The following PRKG2 variants were observed in gnomAD, a reference collection of about 807,000 sequenced individuals.
PRKG2 encodes the protein cGMP-dependent protein kinase 2.
In PRKG2, 33 loss-of-function variants were observed where a neutral mutation model predicts 97.2. The ratio of observed to expected loss-of-function variants is 0.34; its 90% CI spans 0.26 to 0.45. The LOEUF (loss-of-function observed/expected upper bound fraction) is 0.45. Among genes scored for constraint, PRKG2 ranks in the 20% least tolerant of loss-of-function variants. The pLI, the probability that PRKG2 is intolerant of heterozygous loss-of-function variation, is 1.00. For missense variants in PRKG2, 638 were observed against 900.0 expected (o/e 0.71, Z 3.73); for synonymous variants, 330 against 321.8 (o/e 1.03, Z -0.27).
At chr4:81,098,592 C>T (rs963343812) in intron 17 of PRKG2, among the ~76,000 whole-genome samples, 22 of 151,996 alleles carry the variant, frequency 1.4e-4, no homozygotes, top group Non-Finnish European at 2.8e-4. Context: ...ACTTAGAGGC[C>T]ATTGTAGGGT....
chr4:81,153,435 A>C (rs1429918417), intron 7 of PRKG2: 1 of 472,624 alleles, frequency 2.1e-6, no homozygotes, highest in African/African-American at 2.0e-5. Flanking sequence ...CCTACATAAC[A>C]TCACTAAGAA....
intron 2 of PRKG2, among the ~76,000 whole-genome samples, chr4:81,189,849 A>G (rs941678251): frequency 1.3e-5 from 2 of 152,196 alleles, no homozygotes; most frequent in African/African-American, 4.8e-5. Flanking sequence ...AGAATAAAAT[A>G]CCAAGGAATA....
At chr4:81,104,481 T>C in intron 16 of PRKG2, 49 bp from the exon 17 acceptor site, 1 of 881,756 alleles carries the variant, frequency 1.1e-6, no homozygotes, top group Non-Finnish European at 1.5e-6. Flanking sequence ...ATATTTATAA[T>C]AATTATAATT....
At chr4:81,102,377 A>C (rs939214731) in intron 17 of PRKG2, among the ~76,000 whole-genome samples, 3 of 152,208 alleles carry the variant, frequency 2.0e-5, no homozygotes, top group African/African-American at 7.2e-5. Flanking sequence ...AACCTTCCAT[A>C]ATGAGAGAAA....
At position 81,119,714 on chromosome 4, in the gene PRKG2, G is replaced by A. The variant is rs548107201; in HGVS notation, c.1777-9103C>T. Among the ~76,000 whole-genome samples, 215 of 150,154 alleles carry A rather than the reference G, an allele frequency of 1.4e-3. 2 individuals carry two copies. The highest frequency in any genetic ancestry group is 7.1e-4 in the Non-Finnish European group (48 of 67,708). On this transcript the variant is annotated intron_variant, in intron 14 of 18. Transcript: ENST00000264399. ...TTTTTAGGCGGAGTCTTGCTCTGTT[G>A]CCCAGGCTGGAGTGCAGTGGTGAGA...
Position 81,151,999 on chromosome 4 carries a change from AGT to A in PRKG2, c.1044_1045del (p.Leu349AlafsTer14). On this transcript the variant is annotated frameshift_variant, in exon 8 of 19. Transcript: ENST00000264399. LOFTEE classifies it high-confidence loss of function. ...TTCTCCAAAGTATTCTCCTTTCTGC[AGT>A]GTTTTTATCAGCTGTGGTTGATCAT... 1 of 1,613,310 alleles carries A rather than the reference AGT, an allele frequency of 6.2e-7. No individual in the cohort carries two copies.
intron 2 of PRKG2, among the ~76,000 whole-genome samples, chr4:81,178,906 T>A (rs1347937628): frequency 6.6e-6 from 1 of 151,852 alleles, no homozygotes; most frequent in African/African-American, 2.4e-5. Flanking sequence ...GTGGGCAGAT[T>A]ACAAAGTCAA....
At chr4:81,181,075 A>G (rs1309045155) in intron 2 of PRKG2, among the ~76,000 whole-genome samples, 1 of 149,702 alleles carries the variant, frequency 6.7e-6, no homozygotes, top group Non-Finnish European at 1.5e-5. Context: ...ATGAGTGAGA[A>G]CATGCAGATA....
intron 2 of PRKG2, among the ~76,000 whole-genome samples, chr4:81,198,543 G>A (rs1232215144): frequency 6.6e-6 from 1 of 151,906 alleles, no homozygotes; most frequent in Non-Finnish European, 1.5e-5. Context: ...AACCCCAAGG[G>A]AAGCCACTCA....
Position 81,088,332 on chromosome 4 carries a change from T to G in PRKG2, c.*1376A>C, listed in dbSNP as rs1399708680. 1 of 152,114 alleles carries G rather than the reference T, an allele frequency of 6.6e-6. No homozygotes were observed. Among genetic ancestry groups the G allele is most frequent in the East Asian group, 1.9e-4 (1 of 5,196 alleles). The allele number at this position is 152,114 out of a possible 1,614,324, so 9.4% of individuals were successfully genotyped here. A position where few individuals can be genotyped will look rare whatever the true frequency, so the allele number is the denominator to read the frequency against. ...TAGAGGTTCCTTTTGACATAGAACA[T>G]TAACATATGAAAATATAACCAGAAG... On this transcript the variant is annotated 3_prime_UTR_variant, in exon 19 of 19. Transcript: ENST00000264399.
At chr4:81,148,845 G>C in intron 9 of PRKG2, 39 bp downstream of exon 9, 1 of 1,569,784 alleles carries the variant, frequency 6.4e-7, no homozygotes, top group South Asian at 1.1e-5. Flanking sequence ...GTCTTCAAAG[G>C]TGGCAGTGGC....
intron 2 of PRKG2, among the ~76,000 whole-genome samples, chr4:81,195,986 G>A (rs939066893): frequency 6.6e-6 from 1 of 152,186 alleles, no homozygotes; most frequent in African/African-American, 2.4e-5. Context: ...GATGACGGAA[G>A]GCCATTCCTG....
chr4:81,135,026 G>T, intron 14 of PRKG2, 129 bp downstream of exon 14: 1 of 844,102 alleles, frequency 1.2e-6, no homozygotes, highest in Non-Finnish European at 1.8e-6. Context: ...GTCGGGAAAT[G>T]TCAAAGGCCA....
chr4:81,137,385 T>C lies in PRKG2; in HGVS notation c.1634+8A>G, dbSNP rs756026383. On this transcript the variant is annotated splice_region_variant and intron_variant, in intron 13 of 18. Transcript: ENST00000264399. ...GGCCAGATGTGAGTATACAAACTTT[T>C]TCATTACCTGTCCCTTAATATACTC... is the stretch of plus-strand genomic sequence containing the variant. 6.3e-7 allele frequency: 1 copy of C among 1,593,804 alleles called. No homozygotes were observed. The highest frequency in any genetic ancestry group is 1.1e-5 in the South Asian group (1 of 90,606).
chr4:81,192,869 T>C (rs17005086), intron 2 of PRKG2, among the ~76,000 whole-genome samples: 29,496 of 152,104 alleles, frequency 0.19, 3,214 homozygotes, highest in African/African-American at 0.26. Context: ...AATCACTTTA[T>C]ACCCCCAACT....
At chr4:81,171,636 A>G in intron 4 of PRKG2, 55 bp downstream of exon 4, 2 of 1,385,722 alleles carry the variant, frequency 1.4e-6, no homozygotes, top group Non-Finnish European at 2.0e-6. Context: ...ACTGGACTAG[A>G]TTATCTTTAA....
chr4:81,118,448 C>A (rs1018748734), intron 14 of PRKG2, among the ~76,000 whole-genome samples: 3 of 152,184 alleles, frequency 2.0e-5, no homozygotes, highest in African/African-American at 7.2e-5. Context: ...CATTTGCATT[C>A]CTATCAGCGT....
At chr4:81,092,111 T>G (rs1189203407) in intron 18 of PRKG2, among the ~76,000 whole-genome samples, 1 of 152,168 alleles carries the variant, frequency 6.6e-6, no homozygotes, top group African/African-American at 2.4e-5. Context: ...ATACAGTCAT[T>G]TGTCAGCCTG....
chr4:81,187,729 C>T lies in PRKG2; in HGVS notation c.462-12770G>A, dbSNP rs1752011596. ...TATTTCGCAAACCCCATCGTCTCAGCCCAAAATCACCTTAAGCTGATAAGC... is the reference window on the plus strand; with the variant it reads ...TATTTCGCAAACCCCATCGTCTCAGTCCAAAATCACCTTAAGCTGATAAGC... On this transcript the variant is annotated intron_variant, in intron 2 of 18. Coordinates refer to ENST00000264399, the MANE Select transcript of PRKG2 (RefSeq NM_006259.3). Among the ~76,000 whole-genome samples, 4 of 152,140 alleles carry T rather than the reference C, an allele frequency of 2.6e-5. No homozygotes were observed. The South Asian group carries it at 6.2e-4, about 24-fold the overall frequency.
Sources: gnomAD v4.1 joint callset for allele counts (sites outside exome capture counted in the v4.1 genomes callset) on GRCh38, gnomAD v4.1.1 for gene constraint, MANE v1.5 for transcripts, NCBI Gene and HGNC (gene_info 2026-07-23, HGNC 2026-07-21) for gene names.